PCDHGC3: variants seen among roughly 807,000 people sequenced by gnomAD.
PCDHGC3 encodes protocadherin gamma-C3.
In PCDHGC3, 26 loss-of-function variants were observed where a neutral mutation model predicts 59.2. That is an observed-to-expected ratio of 0.44 (90% CI 0.32 to 0.61). PCDHGC3 has a LOEUF of 0.61. Among genes scored for constraint, PCDHGC3 ranks in the 20% least tolerant of loss-of-function variants. The pLI is 0.05. For missense variants in PCDHGC3, 1,080 were observed against 1,221.8 expected (o/e 0.88, Z 1.73); for synonymous variants, 487 against 519.7 (o/e 0.94, Z 0.86).
chr5:141,487,798 G>A lies in PCDHGC3; in HGVS notation c.2431-7009G>A, dbSNP rs1197016007. 6.7e-7 allele frequency: 1 copy of A among 1,498,792 alleles called. No homozygotes were observed. Among genetic ancestry groups the A allele is most frequent in the South Asian group, 1.3e-5 (1 of 78,368 alleles). 92.8% of individuals were successfully genotyped at this position (1,498,792 alleles called of 1,614,324 possible). On this transcript the variant is annotated intron_variant, in intron 1 of 3. Coordinates refer to ENST00000308177, the MANE Select transcript of PCDHGC3 (RefSeq NM_002588.4). The surrounding 1 kb of genome is among the most constrained non-coding windows in gnomAD (Gnocchi z 5.0). ...ACTGTTTCGTGAATTAACCAGAGTT[G>A]TCACAGTTTAGCATTGGGGGCGGGT...
chr5:141,494,142 A>G (rs2099752161), intron 1 of PCDHGC3, among the ~76,000 whole-genome samples: 1 of 152,090 alleles, frequency 6.6e-6, no homozygotes, highest in South Asian at 2.1e-4. Context: ...TTAGTCACAG[A>G]CCATTGTCTG....
Position 141,485,752 on chromosome 5 carries a change from G to A in PCDHGC3, c.2430+7206G>A. 1 of 1,614,232 alleles carries A rather than the reference G, an allele frequency of 6.2e-7. No individual in the cohort carries two copies. Among genetic ancestry groups the A allele is most frequent in the Middle Eastern group, 1.6e-4 (1 of 6,062 alleles). ...GCAGCGACGGCAGCCTGGTCCCAGA[G>A]CTGCTCCTGGAGAAGCCTTTGGATC... On this transcript the variant is annotated intron_variant, in intron 1 of 3. Coordinates refer to ENST00000308177, the MANE Select transcript of PCDHGC3 (RefSeq NM_002588.4). This position sits in a 1 kb window ranked among gnomAD's most constrained non-coding sequence, Gnocchi z 5.7.
chr5:141,491,311 A>G lies in PCDHGC3; in HGVS notation c.2431-3496A>G. On this transcript the variant is annotated intron_variant, in intron 1 of 3. Transcript: ENST00000308177. This position sits in a 1 kb window ranked among gnomAD's most constrained non-coding sequence, Gnocchi z 6.9. The stretch of plus-strand genomic sequence containing the variant: ...ACACCCTCCTGAGCGTTCAGACCTT[A>G]CCCTTTACCTCATTGTGGCTCTAGC... 1 of 1,613,932 alleles carries G rather than the reference A, an allele frequency of 6.2e-7. No homozygotes were observed. Among genetic ancestry groups the G allele is most frequent in the Non-Finnish European group, 8.5e-7 (1 of 1,179,940 alleles).
chr5:141,501,125 C>A (rs2099805699), intron 2 of PCDHGC3, among the ~76,000 whole-genome samples: 1 of 152,140 alleles, frequency 6.6e-6, no homozygotes, highest in South Asian at 2.1e-4. Context: ...CCTCAGCCTC[C>A]CTAAGTGCTG....
At position 141,511,148 on chromosome 5, in the gene PCDHGC3, A is replaced by C; in HGVS notation, c.2780A>C (p.Lys927Thr). Residue 927 changes from lysine to threonine, a missense_variant, in exon 4 of 4, where the codon AAG (lysine) becomes ACG (threonine). Coordinates refer to ENST00000308177, the MANE Select transcript of PCDHGC3 (RefSeq NM_002588.4). ...APAGGNGNKKKSGKKEKK is the reference protein window; with the variant it reads ...APAGGNGNKKTSGKKEKK ...GCAGGTGGCAATGGCAACAAGAAGA[A>C]GTCGGGCAAGAAGGAGAAGAAGTAA... is the stretch of plus-strand genomic sequence containing the variant. The C allele has an allele frequency of 6.2e-7, 1 of 1,614,202 alleles. No individual in the cohort carries two copies. Among genetic ancestry groups the C allele is most frequent in the East Asian group, 2.2e-5 (1 of 44,882 alleles).
chr5:141,489,893 G>A lies in PCDHGC3; in HGVS notation c.2431-4914G>A. ...CTGGTGCTTACTGCTGTGGATGGGG[G>A]GACCCCAGCCCGCTCAGGGACCACC... On this transcript the variant is annotated intron_variant, in intron 1 of 3. Transcript: ENST00000308177. This position sits in a 1 kb window ranked among gnomAD's most constrained non-coding sequence, Gnocchi z 4.5. 6.2e-7 allele frequency: 1 copy of A among 1,614,190 alleles called. No individual in the cohort carries two copies. Among genetic ancestry groups the A allele is most frequent in the South Asian group, 1.1e-5 (1 of 91,084 alleles).
intron 2 of PCDHGC3, among the ~76,000 whole-genome samples, chr5:141,499,885 G>A (rs945162089): frequency 2.6e-5 from 4 of 151,850 alleles, no homozygotes; most frequent in Non-Finnish European, 4.4e-5. Flanking sequence ...ACAGGGTTTC[G>A]CCATGTTGGC....
Position 141,476,845 on chromosome 5 carries a change from C to T in PCDHGC3, c.729C>T (p.Val243=). The change falls in exon 1 of 4, where the codon GTC becomes GTT. Residue 243 remains valine (V), a synonymous_variant. Transcript: ENST00000308177. The surrounding 1 kb of genome is among the most constrained non-coding windows in gnomAD (Gnocchi z 7.6). ...KVLDANDNAP[V]FNQSLYRARV... ...TGGACGCGAATGACAATGCGCCTGT[C>T]TTCAACCAGTCCTTGTACCGGGCGC... 1 of 1,613,794 alleles carries T rather than the reference C, an allele frequency of 6.2e-7. No homozygotes were observed. Among genetic ancestry groups the T allele is most frequent in the Non-Finnish European group, 8.5e-7 (1 of 1,180,054 alleles).
At position 141,485,060 on chromosome 5, in the gene PCDHGC3, G is replaced by A. The variant is rs191055161; in HGVS notation, c.2430+6514G>A. 155 of 862,304 alleles carry A rather than the reference G, an allele frequency of 1.8e-4. No individual in the cohort carries two copies. The African/African-American group carries it at 2.3e-3, about 13-fold the overall frequency. 53.4% of individuals were successfully genotyped at this position (862,304 alleles called of 1,614,324 possible). ...ACCCTTGCGGCGCCGGCCGAACCGCGCCAGAGCTGGCGCGGGGAAAGGGAG... is the reference window on the plus strand; with the variant it reads ...ACCCTTGCGGCGCCGGCCGAACCGCACCAGAGCTGGCGCGGGGAAAGGGAG... On this transcript the variant is annotated intron_variant, in intron 1 of 3. Transcript: ENST00000308177. This position sits in a 1 kb window ranked among gnomAD's most constrained non-coding sequence, Gnocchi z 5.7.
rs748115530 is a variant in PCDHGC3 at position 141,489,429 on chromosome 5, G to C, written c.2431-5378G>C. 5 of 1,614,022 alleles carry C rather than the reference G, an allele frequency of 3.1e-6. No individual in the cohort carries two copies. The East Asian group carries it at 8.9e-5, about 29-fold the overall frequency. ...AGATGACAGATCTGTTGAGCCGGCG[G>C]CTGCAATTGGGCTCTGAGGAGAATG... On this transcript the variant is annotated intron_variant, in intron 1 of 3. Transcript: ENST00000308177. The surrounding 1 kb of genome is among the most constrained non-coding windows in gnomAD (Gnocchi z 4.5).
intron 1 of PCDHGC3, among the ~76,000 whole-genome samples, chr5:141,492,882 C>G (rs2099744816): frequency 6.6e-6 from 1 of 152,218 alleles, no homozygotes; most frequent in Admixed American, 6.5e-5. Context: ...CCCAGAGATA[C>G]AGGCTTTTGG....
At chr5:141,506,119 G>T (rs1171566108) in intron 3 of PCDHGC3, among the ~76,000 whole-genome samples, 1 of 152,106 alleles carries the variant, frequency 6.6e-6, no homozygotes, top group African/African-American at 2.4e-5. Context: ...AGTCACTAGG[G>T]CCCAGAGCAG....
chr5:141,479,277 TC>T (rs2099491823), intron 1 of PCDHGC3: 1 of 152,362 alleles, frequency 6.6e-6, no homozygotes, highest in African/African-American at 2.4e-5. Flanking sequence ...ATAATTTATT[TC>T]AAAAATAAAT....
chr5:141,489,150 TAA>T lies in PCDHGC3; in HGVS notation c.2431-5656_2431-5655del. 1.2e-6 allele frequency: 1 copy of T among 862,654 alleles called. No homozygotes were observed. Among genetic ancestry groups the T allele is most frequent in the Non-Finnish European group, 1.7e-6 (1 of 575,074 alleles). The allele number at this position is 862,654 out of a possible 1,614,324, so 53.4% of individuals were successfully genotyped here. On this transcript the variant is annotated intron_variant, in intron 1 of 3. Coordinates refer to ENST00000308177, the MANE Select transcript of PCDHGC3 (RefSeq NM_002588.4). This position sits in a 1 kb window ranked among gnomAD's most constrained non-coding sequence, Gnocchi z 4.5. ...GTTTTTAAGAGGCTGGAAGGAGACA[TAA>T]GAGACTTCAGCTGCTGCATTCCAAG... is the stretch of plus-strand genomic sequence containing the variant.
rs370237298 is a variant in PCDHGC3 at position 141,487,298 on chromosome 5, G to A, written c.2431-7509G>A. ...TTGCTTTGTCTCCTTTGGCTCATTCGTGGCACTACTCTCTAAGTGTCTTCG... is the reference window on the plus strand; with the variant it reads ...TTGCTTTGTCTCCTTTGGCTCATTCATGGCACTACTCTCTAAGTGTCTTCG... On this transcript the variant is annotated intron_variant, in intron 1 of 3. Coordinates refer to ENST00000308177, the MANE Select transcript of PCDHGC3 (RefSeq NM_002588.4). The surrounding 1 kb of genome is among the most constrained non-coding windows in gnomAD (Gnocchi z 5.0). The A allele has an allele frequency of 3.2e-5, 51 of 1,614,072 alleles. 1 individual carries two copies. Among genetic ancestry groups the A allele is most frequent in the South Asian group, 5.5e-5 (5 of 91,082 alleles).
chr5:141,476,966 G>A lies in PCDHGC3; in HGVS notation c.850G>A (p.Gly284Ser). ...CAACGGTGAAATTATTTACTCCTTC[G>A]GCAGCCACAACCGCGCCGGCGTGCG... Reference protein sequence around the residue: ...GPNGEIIYSFGSHNRAGVRQL... With the variant: ...GPNGEIIYSFSSHNRAGVRQL... The change falls in exon 1 of 4, where the codon GGC (glycine) becomes AGC (serine). Residue 284 changes from glycine to serine, a missense_variant. Transcript: ENST00000308177. This position sits in a 1 kb window ranked among gnomAD's most constrained non-coding sequence, Gnocchi z 7.6. 1 of 1,614,152 alleles carries A rather than the reference G, an allele frequency of 6.2e-7. No individual in the cohort carries two copies. The highest frequency in any genetic ancestry group is 8.5e-7 in the Non-Finnish European group (1 of 1,180,032).
chr5:141,506,740 T>C (rs1006665092), intron 3 of PCDHGC3, among the ~76,000 whole-genome samples: 2 of 152,104 alleles, frequency 1.3e-5, no homozygotes, highest in African/African-American at 2.4e-5. Context: ...ATAATGCCTA[T>C]TAATAAAGAC....
rs1360535508 is a variant in PCDHGC3 at position 141,478,322 on chromosome 5, C to G, written c.2206C>G (p.Arg736Gly). ...LYRAPVSSLY[R>G]TPGPSLHADA... Reference sequence around the variant, plus strand: ...CCGAGCCCCGGTGAGCTCACTGTACCGAACACCAGGGCCCTCCTTGCACGC... The same window carrying G: ...CCGAGCCCCGGTGAGCTCACTGTACGGAACACCAGGGCCCTCCTTGCACGC... The change falls in exon 1 of 4, where the codon CGA (arginine) becomes GGA (glycine). Residue 736 changes from arginine to glycine, a missense_variant. Physicochemically the swap from Arg to Gly is moderately radical, Grantham distance 125 (BLOSUM62 -2). Coordinates refer to ENST00000308177, the MANE Select transcript of PCDHGC3 (RefSeq NM_002588.4). 28 of 1,613,976 alleles carry G rather than the reference C, an allele frequency of 1.7e-5. No individual in the cohort carries two copies. The highest frequency in any genetic ancestry group is 2.3e-5 in the Non-Finnish European group (27 of 1,180,016).
Position 141,489,068 on chromosome 5 carries a change from G to GC in PCDHGC3, c.2431-5736dup. ...CTCAAATTCAGCTCCCCTCCCCCCT[G>GC]CCCACCCCCGCCACTCGGTGACTAA... On this transcript the variant is annotated intron_variant, in intron 1 of 3. Transcript: ENST00000308177. The surrounding 1 kb of genome is among the most constrained non-coding windows in gnomAD (Gnocchi z 4.5). 3 of 291,558 alleles carry GC rather than the reference G, an allele frequency of 1.0e-5. No homozygotes were observed. Among genetic ancestry groups the GC allele is most frequent in the Admixed American group, 5.4e-5 (1 of 18,530 alleles). 18.1% of individuals were successfully genotyped at this position (291,558 alleles called of 1,614,324 possible).
Sources: allele counts gnomAD v4.1 joint callset (sites outside exome capture counted in the v4.1 genomes callset), GRCh38; gene constraint gnomAD v4.1.1; non-coding constraint Gnocchi (gnomAD v3.1); transcripts MANE v1.5; gene names NCBI Gene and HGNC (gene_info 2026-07-23, HGNC 2026-07-21).